LIN9: variants seen among roughly 807,000 people sequenced by gnomAD.
The protein encoded by LIN9 is lin-9 DREAM MuvB core complex component.
Under a neutral mutation model 78.0 loss-of-function variants are expected in LIN9, and 18 were observed. The observed-to-expected ratio is 0.23, with a 90% CI of 0.16 to 0.34. LIN9 has a LOEUF of 0.34. LIN9 is among the 10% of genes least tolerant of loss of function. LIN9 has a pLI of 1.00. For synonymous variants in LIN9, 192 were observed against 215.2 expected (o/e 0.89, Z 0.94); for missense variants, 451 against 644.1 (o/e 0.70, Z 3.25).
rs533330993 is a variant in LIN9 at position 226,234,602 on chromosome 1, A to G, written c.1246-1079T>C. 3.9e-5 allele frequency among the ~76,000 whole-genome samples: 6 copies of G among 152,240 alleles called. No homozygotes were observed. In the South Asian group the frequency reaches 1.2e-3, roughly 32 times the overall value. On this transcript the variant is annotated intron_variant, in intron 12 of 14. Coordinates refer to ENST00000681046, the MANE Select transcript of LIN9 (RefSeq NM_001366245.2). ...CGGGCTCATCTTCTTTCTCTGCCTCAGGTCTGGAATCAGTCTCTTTTTCAA... is the reference window on the plus strand; with the variant it reads ...CGGGCTCATCTTCTTTCTCTGCCTCGGGTCTGGAATCAGTCTCTTTTTCAA...
chr1:226,258,173 C>T (rs1659323785), intron 10 of LIN9, among the ~76,000 whole-genome samples: 1 of 117,280 alleles, frequency 8.5e-6, no homozygotes, highest in Non-Finnish European at 1.8e-5. Flanking sequence ...ACCCTGTTCT[C>T]AAAAACAAAC....
chr1:226,245,005 A>G (rs1310008160), intron 11 of LIN9, among the ~76,000 whole-genome samples: 1 of 152,218 alleles, frequency 6.6e-6, no homozygotes, highest in Non-Finnish European at 1.5e-5. Context: ...AGTTTCCAGG[A>G]GTGCAACTGC....
At chr1:226,261,305 A>C (rs906145547) in intron 10 of LIN9, among the ~76,000 whole-genome samples, 40 of 152,230 alleles carry the variant, frequency 2.6e-4, no homozygotes, top group African/African-American at 9.4e-4. Flanking sequence ...GATAAGAAAG[A>C]GAAATTAAAG....
At chr1:226,294,973 G>A (rs973162362) in intron 4 of LIN9, among the ~76,000 whole-genome samples, 3 of 151,654 alleles carry the variant, frequency 2.0e-5, no homozygotes, top group Non-Finnish European at 2.9e-5. Flanking sequence ...TAGTTTTTTT[G>A]TATGTTTAGT....
At chr1:226,253,637 C>A (rs1044350769) in intron 10 of LIN9, among the ~76,000 whole-genome samples, 3 of 150,666 alleles carry the variant, frequency 2.0e-5, no homozygotes, top group Non-Finnish European at 3.0e-5. Flanking sequence ...TAAAAAGGGC[C>A]GGGTACGGTG....
intron 11 of LIN9, among the ~76,000 whole-genome samples, chr1:226,248,178 G>A (rs1658604849): frequency 6.6e-6 from 1 of 152,158 alleles, no homozygotes; most frequent in African/African-American, 2.4e-5. Flanking sequence ...TTTAACTTGA[G>A]TAAATGCCAC....
At chr1:226,258,643 C>A (rs1659357393) in intron 10 of LIN9, among the ~76,000 whole-genome samples, 1 of 151,490 alleles carries the variant, frequency 6.6e-6, no homozygotes, top group African/African-American at 2.4e-5. Flanking sequence ...GTAATCCCAG[C>A]ACTTTGGGAG....
intron 11 of LIN9, among the ~76,000 whole-genome samples, chr1:226,242,426 T>G (rs1490071332): frequency 6.6e-6 from 1 of 152,212 alleles, no homozygotes; most frequent in Non-Finnish European, 1.5e-5. Context: ...ACTCAAATCA[T>G]TCACAAAATT....
chr1:226,270,007 C>CT (rs1660164901), intron 7 of LIN9, among the ~76,000 whole-genome samples: 1 of 152,162 alleles, frequency 6.6e-6, no homozygotes, highest in African/African-American at 2.4e-5. Flanking sequence ...ACTGCAACCT[C>CT]CACCTCCCGG....
intron 3 of LIN9, 96 bp downstream of exon 3, chr1:226,297,623 T>C (rs1241318032): frequency 2.8e-6 from 2 of 711,576 alleles, no homozygotes; most frequent in African/African-American, 2.3e-5. Flanking sequence ...AAAAAACTTG[T>C]AAATTTTTTA....
Position 226,287,700 on chromosome 1 carries a change from C to A in LIN9, c.362G>T (p.Trp121Leu). 1 of 1,552,602 alleles carries A rather than the reference C, an allele frequency of 6.4e-7. No individual in the cohort carries two copies. Reference sequence around the variant, plus strand: ...TGAATAGAACCACTCGTATATACACCATTTATGTGCTTTAGGAAGCTTGAG... The same window carrying A: ...TGAATAGAACCACTCGTATATACACAATTTATGTGCTTTAGGAAGCTTGAG... Reference protein sequence around the residue: ...NLLKLPKAHKWCIYEWFYSNI... With the variant: ...NLLKLPKAHKLCIYEWFYSNI... Residue 121 changes from tryptophan (W) to leucine (L), a missense_variant, in exon 5 of 15, where the codon TGG becomes TTG. By Grantham distance (61) the Trp-to-Leu change is moderately conservative. Transcript: ENST00000681046.
intron 12 of LIN9, among the ~76,000 whole-genome samples, chr1:226,237,502 C>T (rs1045816019): frequency 4.2e-4 from 63 of 151,702 alleles, no homozygotes; most frequent in Non-Finnish European, 6.6e-4. Flanking sequence ...CGTGGTAATG[C>T]ATGCCTGTAA....
chr1:226,259,664 T>A (rs763278143), intron 10 of LIN9, among the ~76,000 whole-genome samples: 1 of 152,180 alleles, frequency 6.6e-6, no homozygotes, highest in East Asian at 1.9e-4. Context: ...CGAAGATATG[T>A]CTAAATAATA....
At position 226,281,983 on chromosome 1, in the gene LIN9, C is replaced by T. The variant is rs1361471040; in HGVS notation, c.525-4051G>A. ...CTGGGATTATAGTGTTAACCACCGGCGCCCAGCCATTATACTTTTCTTACA... is the reference window on the plus strand; with the variant it reads ...CTGGGATTATAGTGTTAACCACCGGTGCCCAGCCATTATACTTTTCTTACA... On this transcript the variant is annotated intron_variant, in intron 6 of 14. Transcript: ENST00000681046. Among the ~76,000 whole-genome samples the T allele has an allele frequency of 4.6e-5, 7 of 152,248 alleles. No individual in the cohort carries two copies. In the East Asian group the frequency reaches 1.2e-3, roughly 25 times the overall value.
At chr1:226,258,193 AAC>A (rs1242396149) in intron 10 of LIN9, among the ~76,000 whole-genome samples, 2 of 151,296 alleles carry the variant, frequency 1.3e-5, no homozygotes, top group East Asian at 3.9e-4. Context: ...CAAACAAACA[AAC>A]AAACAAACAA....
At chr1:226,258,888 T>C (rs1478076749) in intron 10 of LIN9, among the ~76,000 whole-genome samples, 1 of 49,512 alleles carries the variant, frequency 2.0e-5, no homozygotes, top group Non-Finnish European at 3.2e-5. Context: ...CAAGACTCTG[T>C]CTCAACAAAA....
In LIN9 at chr1:226,265,387, T is replaced by TTA; in HGVS notation, c.1038+144_1038+145dup. On this transcript the variant is annotated intron_variant, in intron 10 of 14. Transcript: ENST00000681046. This position sits in a 1 kb window ranked among gnomAD's most constrained non-coding sequence, Gnocchi z 4.1. Reference sequence around the variant, plus strand: ...AAGTCTTTTTTGGTTTTTATAACTTTTATTTTCAGGCTTTGTTGGAAATAG... The same window carrying TTA: ...AAGTCTTTTTTGGTTTTTATAACTTTTATATTTTCAGGCTTTGTTGGAAATAG... 1 of 456,284 alleles carries TTA rather than the reference T, an allele frequency of 2.2e-6. No homozygotes were observed. Among genetic ancestry groups the TTA allele is most frequent in the Admixed American group, 3.9e-5 (1 of 25,952 alleles). The allele number at this position is 456,284 out of a possible 1,614,324, so 28.3% of individuals were successfully genotyped here.
chr1:226,306,416 G>T (rs150631149), intron 1 of LIN9, among the ~76,000 whole-genome samples: 1 of 152,118 alleles, frequency 6.6e-6, no homozygotes, highest in Admixed American at 6.5e-5. Context: ...GGAACCATTC[G>T]AATCACTAGA....
In LIN9 at chr1:226,290,379, T is replaced by C. The variant is rs1205002393; in HGVS notation, c.265-2582A>G. On this transcript the variant is annotated intron_variant, in intron 4 of 14. Transcript: ENST00000681046. ...TTTTTGAGATGGAGTCTCGCTCTGTTGCCCAGGCTGGAGTGCAGTGGCACG... is the reference window on the plus strand; with the variant it reads ...TTTTTGAGATGGAGTCTCGCTCTGTCGCCCAGGCTGGAGTGCAGTGGCACG... Among the ~76,000 whole-genome samples, 8 of 151,556 alleles carry C rather than the reference T, an allele frequency of 5.3e-5. No individual in the cohort carries two copies. In the East Asian group the frequency reaches 7.7e-4, roughly 15 times the overall value.
Sources: allele counts gnomAD v4.1 joint callset (sites outside exome capture counted in the v4.1 genomes callset), GRCh38; gene constraint gnomAD v4.1.1; non-coding constraint Gnocchi (gnomAD v3.1); transcripts MANE v1.5; gene names NCBI Gene and HGNC (gene_info 2026-07-23, HGNC 2026-07-21).